The following SUSD1 variants were observed in gnomAD, a reference collection of about 807,000 sequenced individuals.
SUSD1 encodes the protein sushi domain containing 1, also known as sushi domain-containing protein 1.
A neutral mutation model predicts 86.9 loss-of-function variants in SUSD1; 65 were observed. That is an observed-to-expected ratio of 0.75 (90% CI 0.61 to 0.92). The LOEUF is 0.92. SUSD1 is among the 40% of genes least tolerant of loss of function. The pLI, the probability that SUSD1 is intolerant of heterozygous loss-of-function variation, is 0.00. For missense variants in SUSD1, 850 were observed against 929.7 expected, an observed-to-expected ratio of 0.91 and a Z score of 1.11; for synonymous variants, 346 against 350.0, an observed-to-expected ratio of 0.99 and a Z score of 0.13.
chr9:112,152,202 C>CAAA (rs199561925), intron 2 of SUSD1, among the ~76,000 whole-genome samples: 2 of 60,466 alleles, frequency 3.3e-5, no homozygotes. Flanking sequence ...GACTCTGTCT[C>CAAA]AAAAAAAAAA....
intron 12 of SUSD1, among the ~76,000 whole-genome samples, chr9:112,069,993 T>C (rs556696475): frequency 3.2e-4 from 49 of 152,206 alleles, no homozygotes; most frequent in African/African-American, 1.1e-3. Flanking sequence ...ATTTTATTTG[T>C]TTTTGTTTTT....
At chr9:112,109,276 A>G (rs1049134608) in intron 8 of SUSD1, among the ~76,000 whole-genome samples, 17 of 152,242 alleles carry the variant, frequency 1.1e-4, no homozygotes, top group Non-Finnish European at 2.2e-4. Flanking sequence ...TTCAAACATG[A>G]TATAAAGTAT....
At chr9:112,149,061 C>T (rs1832930029) in intron 3 of SUSD1, among the ~76,000 whole-genome samples, 183 bp downstream of exon 3, 1 of 152,142 alleles carries the variant, frequency 6.6e-6, no homozygotes, top group South Asian at 2.1e-4. Context: ...ATAGATACAT[C>T]ATCATAACAC....
chr9:112,117,933 C>T (rs942244112), intron 6 of SUSD1, among the ~76,000 whole-genome samples: 5 of 152,030 alleles, frequency 3.3e-5, no homozygotes, highest in South Asian at 4.2e-4. Context: ...TGGGGGTGTT[C>T]GATGCCTGGT....
intron 3 of SUSD1, among the ~76,000 whole-genome samples, chr9:112,146,408 A>G (rs532818490): frequency 6.4e-4 from 97 of 152,316 alleles, no homozygotes; most frequent in Non-Finnish European, 1.3e-3. Flanking sequence ...TGTAAACTAT[A>G]GCTCAATTTT....
chr9:112,114,132 C>T (rs1415978257), intron 6 of SUSD1, among the ~76,000 whole-genome samples: 1 of 152,112 alleles, frequency 6.6e-6, no homozygotes, highest in Non-Finnish European at 1.5e-5. Flanking sequence ...TTTCTATATA[C>T]TAGCAATGAG....
At chr9:112,166,734 G>A (rs1833842489) in intron 1 of SUSD1, among the ~76,000 whole-genome samples, 1 of 152,136 alleles carries the variant, frequency 6.6e-6, no homozygotes, top group Admixed American at 6.6e-5. Flanking sequence ...GTCAAGGATG[G>A]CTTTAGTTCT....
chr9:112,150,044 C>A (rs563217707), intron 2 of SUSD1, among the ~76,000 whole-genome samples: 1 of 152,188 alleles, frequency 6.6e-6, no homozygotes, highest in Non-Finnish European at 1.5e-5. Context: ...GTGAAAGATG[C>A]AAAATGAACG....
chr9:112,121,127 A>T (rs1268172005), intron 6 of SUSD1, among the ~76,000 whole-genome samples: 1 of 152,176 alleles, frequency 6.6e-6, no homozygotes, highest in Non-Finnish European at 1.5e-5. Flanking sequence ...TGTCAGTTAC[A>T]CGTTTGCCCT....
At chr9:112,144,233 C>A in intron 3 of SUSD1, among the ~76,000 whole-genome samples, 1 of 150,850 alleles carries the variant, frequency 6.6e-6, no homozygotes, top group East Asian at 1.9e-4. Context: ...AGCAAGACCC[C>A]GTCTCAAAGA....
intron 10 of SUSD1, among the ~76,000 whole-genome samples, chr9:112,088,755 G>A (rs778127839): frequency 2.6e-5 from 4 of 152,104 alleles, no homozygotes; most frequent in Non-Finnish European, 4.4e-5. Context: ...TCATGCCACT[G>A]TACTTCAGCC....
At chr9:112,097,170 A>T (rs1234399612) in intron 10 of SUSD1, among the ~76,000 whole-genome samples, 1 of 151,842 alleles carries the variant, frequency 6.6e-6, no homozygotes, top group Non-Finnish European at 1.5e-5. Flanking sequence ...TACTAAAAAT[A>T]CAAAAATTAG....
Position 112,058,405 on chromosome 9 carries a change from C to G in SUSD1, c.2109+23G>C, listed in dbSNP as rs186223687. On this transcript the variant is annotated intron_variant, in intron 14 of 16. Coordinates refer to ENST00000374270, the MANE Select transcript of SUSD1 (RefSeq NM_022486.5). ...TACGAAGAAGAAAATACAGAGTTCA[C>G]AAGAGCTTGGAAAGAAAGATACCTT... The G allele has an allele frequency of 4.4e-6, 7 of 1,607,958 alleles. No homozygotes were observed. In the Admixed American group the frequency reaches 8.4e-5, roughly 19 times the overall value.
intron 8 of SUSD1, among the ~76,000 whole-genome samples, chr9:112,107,560 A>C (rs1830905867): frequency 6.6e-6 from 1 of 152,188 alleles, no homozygotes; most frequent in Non-Finnish European, 1.5e-5. Flanking sequence ...TTTCCAGAAA[A>C]GCTCTCAATA....
intron 2 of SUSD1, among the ~76,000 whole-genome samples, chr9:112,156,434 C>T (rs1369740286): frequency 3.3e-5 from 5 of 151,682 alleles, no homozygotes; most frequent in Non-Finnish European, 5.9e-5. Context: ...TGCACTCCAG[C>T]CTGGGCGACG....
intron 14 of SUSD1, 129 bp from the exon 15 acceptor site, chr9:112,052,567 T>A (rs1055559151): frequency 4.0e-5 from 41 of 1,020,918 alleles, no homozygotes; most frequent in Non-Finnish European, 6.0e-5. Context: ...ACCTTTAAAG[T>A]CCAATCTAGC....
rs200990357 is a variant in SUSD1, at chr9:112,068,699, CAAAAAA to C, written c.1754-5672_1754-5667del. On this transcript the variant is annotated intron_variant, in intron 12 of 16. Coordinates refer to ENST00000374270, the MANE Select transcript of SUSD1 (RefSeq NM_022486.5). Reference sequence around the variant, plus strand: ...CCTGGGCAACAGCTAGACCCTGTCTCAAAAAAAAAAAAAAAAAATATTTTTAGCCGT... The same window carrying C: ...CCTGGGCAACAGCTAGACCCTGTCTCAAAAAAAAAAAATATTTTTAGCCGT... Among the ~76,000 whole-genome samples the C allele has an allele frequency of 3.0e-3, 251 of 84,596 alleles. 1 individual carries two copies. The highest frequency in any genetic ancestry group is 0.011 in the African/African-American group (232 of 21,432). 55.5% of individuals were successfully genotyped at this position (84,596 alleles called of 152,430 possible). A position where few individuals can be genotyped will look rare whatever the true frequency, so the allele number is the denominator to read the frequency against.
intron 12 of SUSD1, 74 bp from the exon 13 acceptor site, chr9:112,063,107 GA>G: frequency 1.1e-6 from 1 of 898,742 alleles, no homozygotes; most frequent in Non-Finnish European, 1.8e-6. Context: ...AGGTCCTCGT[GA>G]GGGCTATCAA....
At chr9:112,115,187 C>T (rs1831261462) in intron 6 of SUSD1, among the ~76,000 whole-genome samples, 1 of 152,170 alleles carries the variant, frequency 6.6e-6, no homozygotes, top group South Asian at 2.1e-4. Flanking sequence ...ACCTGTAGGG[C>T]CAATCCTATT....
Sources: allele counts gnomAD v4.1 joint callset (sites outside exome capture counted in the v4.1 genomes callset), GRCh38; gene constraint gnomAD v4.1.1; transcripts MANE v1.5; gene names NCBI Gene and HGNC (gene_info 2026-07-23, HGNC 2026-07-21).